DGKB: variants seen among roughly 807,000 people sequenced by gnomAD.
DGKB encodes diacylglycerol kinase beta, also known as 90 kDa diacylglycerol kinase.
DGKB carries 67 observed loss-of-function variants against 114.3 expected under a neutral mutation model. The ratio of observed to expected loss-of-function variants is 0.59; its 90% confidence interval spans 0.48 to 0.72. The LOEUF (loss-of-function observed/expected upper bound fraction) is 0.72, where lower values mean the gene tolerates loss of function less well. Among genes scored for constraint, DGKB ranks in the 30% least tolerant of loss-of-function variants. The probability of loss-of-function intolerance (pLI) is 0.00; values close to 1 mark genes in which losing one functional copy is unlikely to be tolerated. For synonymous variants in DGKB, 398 were observed against 323.1 expected, an observed-to-expected ratio of 1.23 and a Z score of -2.49; for missense variants, 907 against 975.2, an observed-to-expected ratio of 0.93 and a Z score of 0.93.
At chr7:14,222,933 C>G (rs1790230752) in intron 23 of DGKB, among the ~76,000 whole-genome samples, 1 of 151,564 alleles carries the variant, frequency 6.6e-6, no homozygotes, top group Non-Finnish European at 1.5e-5. Flanking sequence ...TTGTTTTAAA[C>G]TCTATCAGTA....
upstream of DGKB, among the ~76,000 whole-genome samples, chr7:14,904,783 T>C (rs899943799): frequency 6.6e-6 from 1 of 152,186 alleles, no homozygotes; most frequent in Admixed American, 6.5e-5. Context: ...CATTAAATAA[T>C]TATTGTATCA....
At chr7:14,554,190 G>A (rs1461189503) in intron 20 of DGKB, among the ~76,000 whole-genome samples, 4 of 151,906 alleles carry the variant, frequency 2.6e-5, no homozygotes, top group Non-Finnish European at 5.9e-5. Flanking sequence ...CATGTTTTAG[G>A]AGACAGCTAG....
chr7:14,858,973 C>T (rs1168411579), intron 1 of DGKB, among the ~76,000 whole-genome samples: 2 of 152,084 alleles, frequency 1.3e-5, no homozygotes. Context: ...TAGGAGACAG[C>T]TTGATAAATA....
intron 13 of DGKB, among the ~76,000 whole-genome samples, chr7:14,633,438 C>T (rs1810124643): frequency 6.6e-6 from 1 of 151,802 alleles, no homozygotes; most frequent in Non-Finnish European, 1.5e-5. Context: ...TATATCTAAC[C>T]TCATTTACAA....
At chr7:14,768,369 G>A (rs923498421) in intron 2 of DGKB, among the ~76,000 whole-genome samples, 6 of 151,888 alleles carry the variant, frequency 4.0e-5, no homozygotes, top group African/African-American at 1.4e-4. Flanking sequence ...TCACAAAGTA[G>A]ACCTTCATTT....
At chr7:14,489,382 C>G (rs890080898) in intron 20 of DGKB, among the ~76,000 whole-genome samples, 1 of 152,010 alleles carries the variant, frequency 6.6e-6, no homozygotes, top group African/African-American at 2.4e-5. Flanking sequence ...TCTGGAAACC[C>G]TAAGTGTTTT....
At chr7:14,449,122 G>A (rs1241273849) in intron 21 of DGKB, among the ~76,000 whole-genome samples, 1 of 151,952 alleles carries the variant, frequency 6.6e-6, no homozygotes, top group Non-Finnish European at 1.5e-5. Context: ...GAAAATATTA[G>A]AACTTAATAA....
At chr7:14,888,283 A>G (rs929316100) in intron 1 of DGKB, among the ~76,000 whole-genome samples, 2 of 151,704 alleles carry the variant, frequency 1.3e-5, no homozygotes, top group Admixed American at 6.6e-5. Flanking sequence ...GGCATGATAC[A>G]GTAGATACTA....
At chr7:14,185,440 C>T (rs113747883) in intron 23 of DGKB, among the ~76,000 whole-genome samples, 1 of 152,068 alleles carries the variant, frequency 6.6e-6, no homozygotes, top group East Asian at 1.9e-4. Flanking sequence ...GACCATACTG[C>T]CAAAAGCAAT....
At chr7:14,668,398 T>A (rs1467429744) in intron 13 of DGKB, among the ~76,000 whole-genome samples, 1 of 152,092 alleles carries the variant, frequency 6.6e-6, no homozygotes, top group Non-Finnish European at 1.5e-5. Flanking sequence ...ATCTCTCTAT[T>A]GGGATTTGGA....
intron 23 of DGKB, among the ~76,000 whole-genome samples, chr7:14,277,149 G>C (rs1799140137): frequency 6.8e-6 from 1 of 147,740 alleles, no homozygotes; most frequent in Admixed American, 7.0e-5. Context: ...ACTTCCATGA[G>C]TTCAACTTTT....
At chr7:14,903,073 T>C (rs1371260088), upstream of DGKB, 2 of 152,350 alleles carry the variant, frequency 1.3e-5, no homozygotes, top group Non-Finnish European at 1.5e-5. Flanking sequence ...AAATGATTAT[T>C]TTATCATCCA....
intron 9 of DGKB, 112 bp downstream of exon 9, chr7:14,693,963 C>T: frequency 7.9e-7 from 1 of 1,261,678 alleles, no homozygotes; most frequent in Non-Finnish European, 1.1e-6. Flanking sequence ...GTTCCAGGCA[C>T]TCACTGCATG....
rs62443480 is a variant in DGKB, at chr7:14,501,928, G to T, written c.1771-23703C>A. ...CTGGACTTCGAACAAATACCATAATGGGATGAGGTTTTTGAGGGTCTTGGA... is the reference window on the plus strand; with the variant it reads ...CTGGACTTCGAACAAATACCATAATTGGATGAGGTTTTTGAGGGTCTTGGA... On this transcript the variant is annotated intron_variant, in intron 20 of 25. Coordinates refer to ENST00000402815, the MANE Select transcript of DGKB (RefSeq NM_001350709.2). 5.3e-3 allele frequency among the ~76,000 whole-genome samples: 803 copies of T among 152,012 alleles called. 5 individuals are homozygous for T. Among genetic ancestry groups the T allele is most frequent in the Middle Eastern group, 0.017 (5 of 294 alleles).
intron 20 of DGKB, among the ~76,000 whole-genome samples, chr7:14,483,290 T>C (rs1783270806): frequency 6.6e-6 from 1 of 152,172 alleles, no homozygotes. Flanking sequence ...CTATGCTTTT[T>C]TGCCACTGTA....
chr7:14,500,098 G>A (rs1785914211), intron 20 of DGKB, among the ~76,000 whole-genome samples: 1 of 151,632 alleles, frequency 6.6e-6, no homozygotes, highest in South Asian at 2.1e-4. Context: ...ATATTTTTAT[G>A]TTCCCTAATT....
At chr7:14,821,606 A>G (rs1208996951) in intron 2 of DGKB, among the ~76,000 whole-genome samples, 1 of 152,198 alleles carries the variant, frequency 6.6e-6, no homozygotes, top group Non-Finnish European at 1.5e-5. Context: ...AGAAGGCAAA[A>G]GAAAGTGGTT....
chr7:14,391,549 G>C (rs574207242), intron 21 of DGKB, among the ~76,000 whole-genome samples: 2 of 151,740 alleles, frequency 1.3e-5, no homozygotes, highest in Non-Finnish European at 2.9e-5. Flanking sequence ...AAATTAGCCC[G>C]GTGTGGTGGC....
At chr7:14,537,899 G>A (rs1267358208) in intron 20 of DGKB, among the ~76,000 whole-genome samples, 2 of 152,076 alleles carry the variant, frequency 1.3e-5, no homozygotes, top group Non-Finnish European at 2.9e-5. Flanking sequence ...TGACCAACAT[G>A]GAGAAACCCC....
Sources: allele counts gnomAD v4.1 joint callset (sites outside exome capture counted in the v4.1 genomes callset), GRCh38; gene constraint gnomAD v4.1.1; transcripts MANE v1.5; gene names NCBI Gene and HGNC (gene_info 2026-07-23, HGNC 2026-07-21).